The following ANKS1B variants were observed in gnomAD, a reference collection of about 807,000 sequenced individuals.
ANKS1B encodes ankyrin repeat and sterile alpha motif domain containing 1B.
Under a neutral mutation model 148.3 loss-of-function variants are expected in ANKS1B, and 36 were observed. That is an observed-to-expected ratio of 0.24 (90% CI 0.19 to 0.32). The LOEUF (loss-of-function observed/expected upper bound fraction) is 0.32. ANKS1B is among the 10% of genes least tolerant of loss of function. The pLI is 1.00. For synonymous variants in ANKS1B, 542 were observed against 560.8 expected (o/e 0.97, Z 0.47); for missense variants, 1,157 against 1,542.6 (o/e 0.75, Z 4.19).
intron 1 of ANKS1B, among the ~76,000 whole-genome samples, chr12:99,957,598 C>G (rs1186860679): frequency 1.3e-5 from 2 of 152,232 alleles, no homozygotes; most frequent in Admixed American, 6.5e-5. Flanking sequence ...GATTCCAAAT[C>G]CAATTCTGTT....
chr12:99,713,380 TC>T (rs2153539556), intron 8 of ANKS1B, among the ~76,000 whole-genome samples: 1 of 152,300 alleles, frequency 6.6e-6, no homozygotes, highest in African/African-American at 2.4e-5. Context: ...ACTGAGAATT[TC>T]CTAAATTATC....
At chr12:99,717,305 A>G (rs1600486539) in intron 8 of ANKS1B, among the ~76,000 whole-genome samples, 1 of 152,370 alleles carries the variant, frequency 6.6e-6, no homozygotes, top group African/African-American at 2.4e-5. Context: ...ATAATAGGGT[A>G]GAGGCAGCCA....
chr12:99,415,871 G>GA (rs2094886961), intron 11 of ANKS1B, among the ~76,000 whole-genome samples: 1 of 152,116 alleles, frequency 6.6e-6, no homozygotes, highest in African/African-American at 2.4e-5. Context: ...TTTTAGTAGA[G>GA]ACGGGGTTTC....
chr12:99,676,213 T>C (rs755455332), intron 8 of ANKS1B, among the ~76,000 whole-genome samples: 18 of 152,182 alleles, frequency 1.2e-4, no homozygotes, highest in Non-Finnish European at 2.5e-4. Flanking sequence ...CCCAGCCCTG[T>C]GGAACTGTGA....
intron 15 of ANKS1B, among the ~76,000 whole-genome samples, chr12:99,134,645 T>TCACACACACACA (rs4016023): frequency 9.5e-6 from 1 of 105,048 alleles, no homozygotes; most frequent in Admixed American, 9.5e-5. Flanking sequence ...TCTCTCTCTC[T>TCACACACACACA]CACACACACA....
intron 25 of ANKS1B, among the ~76,000 whole-genome samples, chr12:98,753,267 C>G (rs73149022): frequency 0.063 from 9,623 of 152,252 alleles, 420 homozygotes; most frequent in Non-Finnish European, 0.094. Flanking sequence ...CTTGTCTTCT[C>G]TCACTGAGAA....
chr12:99,156,420 A>G (rs922063941), intron 14 of ANKS1B, among the ~76,000 whole-genome samples: 1 of 152,182 alleles, frequency 6.6e-6, no homozygotes, highest in African/African-American at 2.4e-5. Context: ...AGTTTTGATT[A>G]CTACTCCCTG....
chr12:99,478,582 G>A (rs1327879739), intron 10 of ANKS1B, among the ~76,000 whole-genome samples: 6 of 152,096 alleles, frequency 3.9e-5, no homozygotes, highest in Non-Finnish European at 8.8e-5. Flanking sequence ...TTTGATATGG[G>A]TGTGACCTAT....
rs1032936540 is a variant in ANKS1B, at chr12:99,660,347, CTTTCTT to C, written c.1129-5143_1129-5138del. Reference sequence around the variant, plus strand: ...CACCAAAGAGTATGCCTACCTTTATCTTTCTTTTTCTTTTTCTTTTTTTTTTTTTTT... The same window carrying C: ...CACCAAAGAGTATGCCTACCTTTATCTTTCTTTTTCTTTTTTTTTTTTTTT... On this transcript the variant is annotated intron_variant, in intron 8 of 26. Coordinates refer to ENST00000683438, the MANE Select transcript of ANKS1B (RefSeq NM_001352186.2). Among the ~76,000 whole-genome samples, 29 of 145,404 alleles carry C rather than the reference CTTTCTT, an allele frequency of 2.0e-4. 1 individual carries two copies. The highest frequency in any genetic ancestry group is 5.1e-4 in the African/African-American group (20 of 39,108).
At chr12:99,448,520 T>G (rs184914040) in intron 10 of ANKS1B, among the ~76,000 whole-genome samples, 104 of 152,196 alleles carry the variant, frequency 6.8e-4, no homozygotes, top group African/African-American at 2.3e-3. Context: ...ATGGTGACTA[T>G]AGTTAATAAC....
intron 8 of ANKS1B, among the ~76,000 whole-genome samples, chr12:99,657,470 C>T (rs962701909): frequency 6.6e-6 from 1 of 152,042 alleles, no homozygotes; most frequent in Non-Finnish European, 1.5e-5. Context: ...AGCATTTTGC[C>T]TTCTGTGACA....
Position 98,744,204 on chromosome 12 carries a change from T to C in ANKS1B, c.*1535A>G. 1 of 970,620 alleles carries C rather than the reference T, an allele frequency of 1.0e-6. No homozygotes were observed. Among genetic ancestry groups the C allele is most frequent in the Non-Finnish European group, 1.2e-6 (1 of 816,010 alleles). The allele number at this position is 970,620 out of a possible 1,614,324, so 60.1% of individuals were successfully genotyped here. A position where few individuals can be genotyped will look rare whatever the true frequency, so the allele number is the denominator to read the frequency against. On this transcript the variant is annotated 3_prime_UTR_variant, in exon 27 of 27. Transcript: ENST00000683438. ...ATCAACAGTGAATAGGCAAAATATA[T>C]ACAAGGAACTGTTCAGTTCAAGTAA...
At position 99,775,474 on chromosome 12, in the gene ANKS1B, A is replaced by G. The variant is rs376392436; in HGVS notation, c.961+74T>C. ...AAATATAGAGTATAGGATATAACCT[A>G]TTAGACTTGAAATTTTCACAACTGT... On this transcript the variant is annotated intron_variant, in intron 7 of 26. Coordinates refer to ENST00000683438, the MANE Select transcript of ANKS1B (RefSeq NM_001352186.2). The G allele has an allele frequency of 4.1e-6, 4 of 975,006 alleles. No homozygotes were observed. In the South Asian group the frequency reaches 4.3e-5, roughly 11 times the overall value. 60.4% of individuals were successfully genotyped at this position (975,006 alleles called of 1,614,324 possible).
intron 1 of ANKS1B, among the ~76,000 whole-genome samples, chr12:99,965,521 C>A (rs2095474419): frequency 6.6e-6 from 1 of 152,106 alleles, no homozygotes; most frequent in Admixed American, 6.5e-5. Flanking sequence ...CCATCATAAG[C>A]AAGTGATTAA....
At chr12:99,642,615 A>G (rs1207294186) in intron 9 of ANKS1B, among the ~76,000 whole-genome samples, 1 of 152,120 alleles carries the variant, frequency 6.6e-6, no homozygotes, top group Non-Finnish European at 1.5e-5. Flanking sequence ...CAGGAGTTCA[A>G]GACAAGACAG....
chr12:99,741,920 T>A (rs1009520253), intron 8 of ANKS1B, among the ~76,000 whole-genome samples: 7 of 150,824 alleles, frequency 4.6e-5, no homozygotes, highest in Admixed American at 1.3e-4. Context: ...AAGCTAAATT[T>A]AAAAAAAAGA....
At chr12:99,922,434 T>C (rs1393778689) in intron 1 of ANKS1B, among the ~76,000 whole-genome samples, 2 of 152,136 alleles carry the variant, frequency 1.3e-5, no homozygotes, top group African/African-American at 2.4e-5. Context: ...AAAAAACATT[T>C]CAGGAAAAAC....
chr12:99,187,195 A>G (rs1385526236), intron 14 of ANKS1B, among the ~76,000 whole-genome samples: 1 of 151,916 alleles, frequency 6.6e-6, no homozygotes, highest in Non-Finnish European at 1.5e-5. Flanking sequence ...ATGTGAAAAG[A>G]CCAAACCTAC....
chr12:99,751,245 G>T (rs1384310812), intron 8 of ANKS1B, among the ~76,000 whole-genome samples: 2 of 151,790 alleles, frequency 1.3e-5, no homozygotes, highest in Non-Finnish European at 2.9e-5. Flanking sequence ...TTGGCCAAAA[G>T]ATTTAATTGT....
Sources: gnomAD v4.1 joint callset for allele counts (sites outside exome capture counted in the v4.1 genomes callset) on GRCh38, gnomAD v4.1.1 for gene constraint, MANE v1.5 for transcripts, NCBI Gene and HGNC (gene_info 2026-07-23, HGNC 2026-07-21) for gene names.